IFI27L1: variants seen among roughly 807,000 people sequenced by gnomAD.
The protein encoded by IFI27L1 is interferon alpha inducible protein 27 like 1.
Under a neutral mutation model 9.2 loss-of-function variants are expected in IFI27L1, and 3 were observed. That is an observed-to-expected ratio of 0.32 (90% CI 0.15 to 0.84). The LOEUF is 0.84. Ranked by LOEUF, IFI27L1 falls within the 40% of genes least tolerant of loss-of-function variation. IFI27L1 has a pLI of 0.56. For missense variants in IFI27L1, 133 were observed against 134.2 expected (o/e 0.99, Z 0.05); for synonymous variants, 53 against 50.0 (o/e 1.06, Z -0.26).
intron 1 of IFI27L1, chr14:94,088,279 T>TAA (rs755201109): frequency 1.4e-6 from 1 of 702,226 alleles, no homozygotes; most frequent in African/African-American, 1.7e-5. Context: ...ATCCATTTCT[T>TAA]ACGTTACTAT....
In IFI27L1 at chr14:94,097,378, G is replaced by A. The variant is rs1462282449; in HGVS notation, c.28+413G>A. 9 of 550,976 alleles carry A rather than the reference G, an allele frequency of 1.6e-5. No individual in the cohort carries two copies. The East Asian group carries it at 2.1e-4, about 13-fold the overall frequency. 34.1% of individuals were successfully genotyped at this position (550,976 alleles called of 1,614,324 possible). A position where few individuals can be genotyped will look rare whatever the true frequency, so the allele number is the denominator to read the frequency against. ...AGGTTGTGGTTTTCAGAGCATCTTT[G>A]TAATAGCTCTTTTCATAGGCATGTG... On this transcript the variant is annotated intron_variant, in intron 2 of 4. Coordinates refer to ENST00000555523, the MANE Select transcript of IFI27L1 (RefSeq NM_206949.3).
chr14:94,084,960 A>G (rs977017464), intron 1 of IFI27L1, among the ~76,000 whole-genome samples: 2 of 152,196 alleles, frequency 1.3e-5, no homozygotes, highest in Non-Finnish European at 1.5e-5. Context: ...CAATGCCAGT[A>G]TACTCAGCCT....
At chr14:94,082,726 C>T (rs1886151092) in intron 1 of IFI27L1, among the ~76,000 whole-genome samples, 1 of 152,208 alleles carries the variant, frequency 6.6e-6, no homozygotes, top group Admixed American at 6.5e-5. Context: ...GCATGGTTTA[C>T]TGAATATTTT....
intron 2 of IFI27L1, chr14:94,097,458 A>C (rs1302453476): frequency 3.4e-6 from 2 of 593,878 alleles, no homozygotes; most frequent in African/African-American, 3.7e-5. Flanking sequence ...ATTTGGCATA[A>C]GCGACTCCAT....
At chr14:94,098,905 C>T (rs1217130557) in intron 2 of IFI27L1, among the ~76,000 whole-genome samples, 1 of 152,196 alleles carries the variant, frequency 6.6e-6, no homozygotes, top group African/African-American at 2.4e-5. Flanking sequence ...GACAAGAAAG[C>T]TAGGTAACTG....
rs1567070792 is a variant in IFI27L1, at chr14:94,096,922, G to A, written c.-16G>A. ...AAGAATCCGAGTGGAGGCTCACCGA[G>A]GCGAAGGGGCCAACCATGGGAAAGG... On this transcript the variant is annotated 5_prime_UTR_variant, in exon 2 of 5. Transcript: ENST00000555523. 1 of 1,613,288 alleles carries A rather than the reference G, an allele frequency of 6.2e-7. No homozygotes were observed. Among genetic ancestry groups the A allele is most frequent in the South Asian group, 1.1e-5 (1 of 90,962 alleles).
intron 1 of IFI27L1, among the ~76,000 whole-genome samples, chr14:94,083,399 C>T (rs912215272): frequency 2.6e-5 from 4 of 152,220 alleles, no homozygotes; most frequent in African/African-American, 9.6e-5. Context: ...GTTGATAAAG[C>T]AGTGGCAGGG....
chr14:94,083,126 T>C (rs868504858), intron 1 of IFI27L1, among the ~76,000 whole-genome samples: 1 of 152,234 alleles, frequency 6.6e-6, no homozygotes, highest in South Asian at 2.1e-4. Flanking sequence ...CCAGTTCTCA[T>C]TGATGACTTT....
At chr14:94,090,572 G>A (rs1403252591) in intron 1 of IFI27L1, among the ~76,000 whole-genome samples, 1 of 152,174 alleles carries the variant, frequency 6.6e-6, no homozygotes, top group African/African-American at 2.4e-5. Context: ...CTACGAGTTT[G>A]GGTAAATTCC....
At chr14:94,091,243 T>G (rs1433754545) in intron 1 of IFI27L1, among the ~76,000 whole-genome samples, 3 of 152,244 alleles carry the variant, frequency 2.0e-5, no homozygotes, top group South Asian at 2.1e-4. Context: ...AACAGTTGCC[T>G]GTGGATGACA....
At chr14:94,101,725 C>T in intron 3 of IFI27L1, 89 bp from the exon 4 acceptor site, 1 of 1,370,648 alleles carries the variant, frequency 7.3e-7, no homozygotes, top group South Asian at 1.3e-5. Flanking sequence ...GCACAGCAGA[C>T]CCCTCCTCCT....
At chr14:94,101,662 CA>C in intron 3 of IFI27L1, 151 bp from the exon 4 acceptor site, 1 of 695,332 alleles carries the variant, frequency 1.4e-6, no homozygotes, top group Admixed American at 2.8e-5. Context: ...GGCTGCTTTA[CA>C]CGTTGACTGC....
intron 1 of IFI27L1, among the ~76,000 whole-genome samples, chr14:94,086,535 G>T (rs1448933187): frequency 6.6e-6 from 1 of 152,000 alleles, no homozygotes; most frequent in Non-Finnish European, 1.5e-5. Flanking sequence ...TTCTATTTAG[G>T]ACCTGAAGCT....
chr14:94,101,805 T>C lies in IFI27L1; in HGVS notation c.62-9T>C, dbSNP rs751112213. On this transcript the variant is annotated splice_polypyrimidine_tract_variant and intron_variant, in intron 3 of 4. Coordinates refer to ENST00000555523, the MANE Select transcript of IFI27L1 (RefSeq NM_206949.3). The stretch of plus-strand genomic sequence containing the variant: ...CATGGGGCCAACCCCAAATCTCCAC[T>C]TCCCGCAGTTGTGGCTGTGGGGACT... 9 of 1,614,016 alleles carry C rather than the reference T, an allele frequency of 5.6e-6. No homozygotes were observed. Among genetic ancestry groups the C allele is most frequent in the Non-Finnish European group, 7.6e-6 (9 of 1,179,982 alleles).
intron 1 of IFI27L1, among the ~76,000 whole-genome samples, chr14:94,085,133 A>G (rs1476128851): frequency 6.6e-6 from 1 of 152,202 alleles, no homozygotes; most frequent in African/African-American, 2.4e-5. Flanking sequence ...CTTTCCAAAA[A>G]GACTGAAGGG....
chr14:94,092,092 C>A (rs1886497287), intron 1 of IFI27L1, among the ~76,000 whole-genome samples: 1 of 150,440 alleles, frequency 6.6e-6, no homozygotes, highest in Non-Finnish European at 1.5e-5. Context: ...CACCACTGCA[C>A]TCTAGCCTGG....
At chr14:94,082,682 C>A (rs1230797860) in intron 1 of IFI27L1, among the ~76,000 whole-genome samples, 1 of 152,226 alleles carries the variant, frequency 6.6e-6, no homozygotes, top group Non-Finnish European at 1.5e-5. Context: ...GTAAGTAGAA[C>A]AACAAAGCCT....
In IFI27L1 at chr14:94,096,903, C is replaced by G. The variant is rs779577576; in HGVS notation, c.-35C>G. ...AACCAACAGGTGGAAGTCCAAGAAT[C>G]CGAGTGGAGGCTCACCGAGGCGAAG... On this transcript the variant is annotated 5_prime_UTR_variant, in exon 2 of 5. The change creates a new upstream start codon in the 5' untranslated region. Coordinates refer to ENST00000555523, the MANE Select transcript of IFI27L1 (RefSeq NM_206949.3). 3.7e-6 allele frequency: 6 copies of G among 1,610,026 alleles called. No individual in the cohort carries two copies. In the Admixed American group the frequency reaches 1.0e-4, roughly 27 times the overall value.
intron 3 of IFI27L1, 170 bp downstream of exon 3, chr14:94,100,941 G>A: frequency 1.4e-6 from 1 of 730,448 alleles, no homozygotes; most frequent in South Asian, 1.6e-5. Flanking sequence ...GCAAAGCAAA[G>A]CCATTAAAGG....
Sources: allele counts gnomAD v4.1 joint callset (sites outside exome capture counted in the v4.1 genomes callset), GRCh38; gene constraint gnomAD v4.1.1; transcripts MANE v1.5; gene names NCBI Gene and HGNC (gene_info 2026-07-23, HGNC 2026-07-21).